Variants in PRG2 observed in about 807,000 individuals in gnomAD.
PRG2 encodes proteoglycan 2, pro eosinophil major basic protein.
PRG2 carries 23 observed loss-of-function variants against 24.7 expected under a neutral mutation model. The ratio of observed to expected loss-of-function variants is 0.93; its 90% CI spans 0.67 to 1.32. The LOEUF (loss-of-function observed/expected upper bound fraction) is 1.32, where lower values mean the gene tolerates loss of function less well. PRG2 is among the 40% of genes most tolerant of loss of function. PRG2 has a pLI of 0.00. For synonymous variants in PRG2, 104 were observed against 99.8 expected, an observed-to-expected ratio of 1.04 and a Z score of -0.25; for missense variants, 271 against 280.9, an observed-to-expected ratio of 0.96 and a Z score of 0.25.
chr11:57,388,632 G>A lies in PRG2; in HGVS notation c.443C>T (p.Ser148Phe), dbSNP rs1283107232. Residue 148 changes from serine (S) to phenylalanine (F), a missense_variant, in exon 4 of 6, where the codon TCT (serine) becomes TTT (phenylalanine). Transcript: ENST00000311862. ...TTGACCCTGGTTGAGCGCGCTGACA[G>A]AACACTGGATTCGATAATTAATATT... ...NFNINYRIQC[S>F]VSALNQGQVW... is the part of the protein sequence containing the mutation. The A allele has an allele frequency of 2.5e-6, 4 of 1,613,908 alleles. No homozygotes were observed. In the Admixed American group the frequency reaches 5.0e-5, roughly 20 times the overall value.
intron 5 of PRG2, 41 bp downstream of exon 5, chr11:57,387,713 C>T (rs767841113): frequency 6.7e-7 from 1 of 1,489,520 alleles, no homozygotes; most frequent in Non-Finnish European, 9.0e-7. Flanking sequence ...CACTTCCCAT[C>T]TCCCAGACCT....
In PRG2 at chr11:57,387,387, G is replaced by C; in HGVS notation, c.*88C>G. ...CCATTTCAGTAAAACCCATTTTATT[G>C]CAGGGAGGTGGAGGGAGGGATGGCA... On this transcript the variant is annotated 3_prime_UTR_variant, in exon 6 of 6. Coordinates refer to ENST00000311862, the MANE Select transcript of PRG2 (RefSeq NM_002728.6). 8.7e-7 allele frequency: 1 copy of C among 1,145,058 alleles called. No individual in the cohort carries two copies. The allele number at this position is 1,145,058 out of a possible 1,614,324, so 70.9% of individuals were successfully genotyped here.
intron 4 of PRG2, 92 bp from the exon 5 acceptor site, chr11:57,387,957 A>G: frequency 9.9e-6 from 9 of 904,694 alleles, no homozygotes; most frequent in Non-Finnish European, 1.5e-5. Context: ...TCTGCTGCCC[A>G]CCGGGCAATG....
chr11:57,388,152 TA>T (rs59436569), intron 4 of PRG2, among the ~76,000 whole-genome samples: 7,696 of 25,388 alleles, frequency 0.3, 680 homozygotes, highest in African/African-American at 0.31. Flanking sequence ...GGTCTTGTTT[TA>T]ATTTTTTTTT....
intron 5 of PRG2, 35 bp downstream of exon 5, chr11:57,387,719 G>T: frequency 6.6e-7 from 1 of 1,506,716 alleles, no homozygotes; most frequent in Non-Finnish European, 9.0e-7. Context: ...CCATCTCCCA[G>T]ACCTTTCCAT....
Position 57,389,009 on chromosome 11 carries a change from C to A in PRG2, c.366+1G>T, listed in dbSNP as rs755411858. ...CTCAGCCTCAGCCATAGGCCACTCA[C>A]CCAAGCTTGACTAAACGTCTGAAGA... On this transcript the variant is annotated splice_donor_variant, in intron 3 of 5. Coordinates refer to ENST00000311862, the MANE Select transcript of PRG2 (RefSeq NM_002728.6). LOFTEE classifies it high-confidence loss of function. The A allele has an allele frequency of 2.5e-6, 4 of 1,612,864 alleles. No homozygotes were observed. The South Asian group carries it at 4.4e-5, about 18-fold the overall frequency.
At chr11:57,388,153 AAT>A (rs1413376197) in intron 4 of PRG2, among the ~76,000 whole-genome samples, 80 of 11,510 alleles carry the variant, frequency 7.0e-3, no homozygotes, top group African/African-American at 7.2e-3. Context: ...GTCTTGTTTT[AAT>A]TTTTTTTTTA....
rs1021437029 is a variant in PRG2, at chr11:57,387,255, T to C, written c.*220A>G. The C allele has an allele frequency of 2.0e-6, 1 of 510,530 alleles. No individual in the cohort carries two copies. Among genetic ancestry groups the C allele is most frequent in the Non-Finnish European group, 3.5e-6 (1 of 289,142 alleles). 31.6% of individuals were successfully genotyped at this position (510,530 alleles called of 1,614,324 possible). ...CTCCATCCTCCTCCTCAAGGAGTAG[T>C]AGCTTCTGACACTTCTATGAAAGTT... On this transcript the variant is annotated 3_prime_UTR_variant, in exon 6 of 6. Coordinates refer to ENST00000311862, the MANE Select transcript of PRG2 (RefSeq NM_002728.6).
intron 4 of PRG2, among the ~76,000 whole-genome samples, 180 bp downstream of exon 4, chr11:57,388,397 T>C (rs1236863652): frequency 6.6e-6 from 1 of 152,154 alleles, no homozygotes; most frequent in African/African-American, 2.4e-5. Context: ...AACCTCCTGA[T>C]TCTAAATCCT....
Position 57,387,231 on chromosome 11 carries a change from T to C in PRG2, c.*244A>G, listed in dbSNP as rs1301570055. 6.5e-6 allele frequency: 3 copies of C among 458,730 alleles called. No individual in the cohort carries two copies. Among genetic ancestry groups the C allele is most frequent in the East Asian group, 7.9e-5 (2 of 25,236 alleles). The allele number at this position is 458,730 out of a possible 1,614,324, so 28.4% of individuals were successfully genotyped here. ...AGGCTCCATAGACCCAACTCCACCC[T>C]CCATCCTCCTCCTCAAGGAGTAGTA... On this transcript the variant is annotated 3_prime_UTR_variant, in exon 6 of 6. Coordinates refer to ENST00000311862, the MANE Select transcript of PRG2 (RefSeq NM_002728.6).
intron 3 of PRG2, 135 bp downstream of exon 3, chr11:57,388,875 C>T: frequency 7.0e-7 from 1 of 1,427,186 alleles, no homozygotes; most frequent in East Asian, 2.3e-5. Context: ...CTTACCCCAA[C>T]ACCTCTCTGA....
intron 2 of PRG2, among the ~76,000 whole-genome samples, 180 bp downstream of exon 2, chr11:57,389,707 A>C (rs1487443321): frequency 1.3e-5 from 2 of 152,236 alleles, no homozygotes. Context: ...GACCACAGAC[A>C]TAACAGACGC....
At chr11:57,390,110 C>T (rs1002892513) in intron 1 of PRG2, among the ~76,000 whole-genome samples, 154 bp from the exon 2 acceptor site, 50 of 152,164 alleles carry the variant, frequency 3.3e-4, no homozygotes, top group African/African-American at 1.2e-3. Context: ...CCAAGCCCAG[C>T]TCCTGATGCT....
In PRG2 at chr11:57,387,773, G is replaced by A. The variant is rs368741315; in HGVS notation, c.591C>T (p.Cys197=). Residue 197 remains cysteine, a synonymous_variant, in exon 5 of 6, where the codon TGC becomes TGT. Transcript: ENST00000311862. ...CCTCACCTCGGGTACACAGGGCCAC[G>A]CAGTGACCACCGCGGGACCAGGGCT... ...AHQPWSRGGH[C]VALCTRGGHW... The A allele has an allele frequency of 6.5e-5, 104 of 1,588,294 alleles. 2 individuals carry two copies. The East Asian group carries it at 2.2e-3, about 34-fold the overall frequency.
Position 57,386,914 on chromosome 11 carries a change from C to T in PRG2, c.*561G>A, listed in dbSNP as rs900965678. 5.3e-5 allele frequency: 8 copies of T among 152,212 alleles called. No homozygotes were observed. Among genetic ancestry groups the T allele is most frequent in the Admixed American group, 2.0e-4 (3 of 15,276 alleles). 9.4% of individuals were successfully genotyped at this position (152,212 alleles called of 1,614,324 possible). A position where few individuals can be genotyped will look rare whatever the true frequency, so the allele number is the denominator to read the frequency against. On this transcript the variant is annotated 3_prime_UTR_variant, in exon 6 of 6. Coordinates refer to ENST00000311862, the MANE Select transcript of PRG2 (RefSeq NM_002728.6). ...CAGCAGGCCACTGGGAAATGGTGCC[C>T]AATACATGTTAGATTTATTCCACTT...
chr11:57,388,853 T>A, intron 3 of PRG2, 145 bp from the exon 4 acceptor site: 1 of 1,420,888 alleles, frequency 7.0e-7, no homozygotes, highest in Non-Finnish European at 9.5e-7. Flanking sequence ...TGTTTGTAGG[T>A]GGCCCTCCCC....
intron 3 of PRG2, 95 bp from the exon 4 acceptor site, chr11:57,388,803 G>A (rs545586197): frequency 1.3e-6 from 2 of 1,528,244 alleles, no homozygotes; most frequent in Admixed American, 3.8e-5. Flanking sequence ...TCCCTCCCCT[G>A]CCACAACCAT....
At position 57,387,739 on chromosome 11, in the gene PRG2, C is replaced by T; in HGVS notation, c.610+15G>A. ...TCCCAGACCTTTCCATCGTTCATCCCCAGCCCCACCTCACCTCGGGTACAC... is the reference window on the plus strand; with the variant it reads ...TCCCAGACCTTTCCATCGTTCATCCTCAGCCCCACCTCACCTCGGGTACAC... On this transcript the variant is annotated intron_variant, in intron 5 of 5. Coordinates refer to ENST00000311862, the MANE Select transcript of PRG2 (RefSeq NM_002728.6). 2 of 1,546,258 alleles carry T rather than the reference C, an allele frequency of 1.3e-6. No individual in the cohort carries two copies. Among genetic ancestry groups the T allele is most frequent in the Non-Finnish European group, 1.7e-6 (2 of 1,143,844 alleles).
rs145532450 is a variant in PRG2 at position 57,389,185 on chromosome 11, C to T, written c.191G>A (p.Ser64Asn). The T allele has an allele frequency of 6.2e-6, 10 of 1,614,116 alleles. No individual in the cohort carries two copies. The African/African-American group carries it at 1.1e-4, about 17-fold the overall frequency. Residue 64 changes from serine (S) to asparagine (N), a missense_variant, in exon 3 of 6, where the codon AGT (serine) becomes AAT (asparagine). Coordinates refer to ENST00000311862, the MANE Select transcript of PRG2 (RefSeq NM_002728.6). The part of the protein sequence containing the change: ...LEEEEEWGSG[S>N]EDASKKDGAV... The stretch of plus-strand genomic sequence containing the variant: ...CCCATCTTTCTTGGAGGCATCTTCA[C>T]TTCCAGAGCCCCACTCCTCCTCTTC...
Sources: allele counts gnomAD v4.1 joint callset (sites outside exome capture counted in the v4.1 genomes callset), GRCh38; gene constraint gnomAD v4.1.1; transcripts MANE v1.5; gene names NCBI Gene and HGNC (gene_info 2026-07-23, HGNC 2026-07-21).